RAPGEF4: variants seen among roughly 807,000 people sequenced by gnomAD.
The protein encoded by RAPGEF4 is RAP guanine-nucleotide-exchange factor (GEF) 4.
Under a neutral mutation model 147.9 loss-of-function variants are expected in RAPGEF4, and 66 were observed. The ratio of observed to expected loss-of-function variants is 0.45; its 90% CI spans 0.37 to 0.55. The LOEUF is 0.55. Ranked by LOEUF, RAPGEF4 falls within the 20% of genes least tolerant of loss-of-function variation. The pLI, the probability that RAPGEF4 is intolerant of heterozygous loss-of-function variation, is 0.00. For missense variants in RAPGEF4, 1,071 were observed against 1,257.3 expected, an observed-to-expected ratio of 0.85 and a Z score of 2.24; for synonymous variants, 419 against 442.7, an observed-to-expected ratio of 0.95 and a Z score of 0.67.
intron 4 of RAPGEF4, among the ~76,000 whole-genome samples, chr2:172,857,173 C>G (rs571236029): frequency 1.7e-5 from 2 of 117,376 alleles, no homozygotes; most frequent in Non-Finnish European, 4.1e-5. Flanking sequence ...CGTGTGCGCG[C>G]GCACACACAC....
chr2:172,955,973 C>T (rs1188343599), intron 6 of RAPGEF4, among the ~76,000 whole-genome samples: 1 of 152,214 alleles, frequency 6.6e-6, no homozygotes, highest in East Asian at 1.9e-4. Flanking sequence ...CTCACGGATA[C>T]TGCAGTGCTG....
rs180967526 is a variant in RAPGEF4 at position 172,787,746 on chromosome 2, A to G, written c.66-7279A>G. ...GCAATCCTCCTGTCTCAACCTCCTG[A>G]GTAGCTGAGAACACAGGCATGCACC... is the stretch of plus-strand genomic sequence containing the variant. On this transcript the variant is annotated intron_variant, in intron 1 of 30. Transcript: ENST00000397081. Among the ~76,000 whole-genome samples, 104 of 152,132 alleles carry G rather than the reference A, an allele frequency of 6.8e-4. 4 individuals carry two copies. In the East Asian group the frequency reaches 0.013, roughly 18 times the overall value.
Position 173,014,601 on chromosome 2 carries a change from T to C in RAPGEF4, c.1796T>C (p.Met599Thr), listed in dbSNP as rs1215998448. Residue 599 changes from methionine to threonine, a missense_variant, in exon 18 of 31, where the codon ATG (methionine) becomes ACG (threonine). Physicochemically the swap from Met to Thr is moderately conservative, Grantham distance 81. Coordinates refer to ENST00000397081, the MANE Select transcript of RAPGEF4 (RefSeq NM_007023.4). ...GDLLQEDDVS[M>T]AFLEEFYVSV... ...CTCCTGCAAGAGGATGACGTGTCTA[T>C]GGCCTTCCTGGAGGTAGGCAGGGGT... The C allele has an allele frequency of 6.2e-7, 1 of 1,613,308 alleles. No individual in the cohort carries two copies. Among genetic ancestry groups the C allele is most frequent in the Non-Finnish European group, 8.5e-7 (1 of 1,179,456 alleles).
chr2:173,009,531 A>C (rs986200551), intron 17 of RAPGEF4, among the ~76,000 whole-genome samples: 1 of 152,198 alleles, frequency 6.6e-6, no homozygotes, highest in Non-Finnish European at 1.5e-5. Flanking sequence ...AATGCTCCAA[A>C]ATTCGAAGTT....
rs115601876 is a variant in RAPGEF4 at position 173,006,971 on chromosome 2, G to A, written c.1658+5627G>A. On this transcript the variant is annotated intron_variant, in intron 17 of 30. Transcript: ENST00000397081. ...CATGAGGAAGACTTTGTTTGGTGAT[G>A]TTATGAACATGATATGCTTTTTGGG... Among the ~76,000 whole-genome samples the A allele has an allele frequency of 7.5e-3, 1,147 of 152,246 alleles. 8 individuals are homozygous for A. The highest frequency in any genetic ancestry group is 0.025 in the African/African-American group (1,030 of 41,528).
intron 4 of RAPGEF4, among the ~76,000 whole-genome samples, chr2:172,830,486 C>T (rs1690172628): frequency 6.6e-6 from 1 of 152,184 alleles, no homozygotes. Flanking sequence ...TTCCATATCT[C>T]CCCAAAACTG....
chr2:172,987,337 C>A (rs547865248), intron 12 of RAPGEF4, among the ~76,000 whole-genome samples: 2 of 152,218 alleles, frequency 1.3e-5, no homozygotes, highest in South Asian at 4.2e-4. Flanking sequence ...TATACAACTA[C>A]ACTTGAAGAC....
intron 17 of RAPGEF4, among the ~76,000 whole-genome samples, chr2:173,005,819 T>A (rs1694421781): frequency 6.6e-6 from 1 of 152,100 alleles, no homozygotes; most frequent in Admixed American, 6.6e-5. Context: ...CCATGCCTGG[T>A]ATTTATTTCA....
rs1692844263 is a variant in RAPGEF4, at chr2:172,991,586, A to G, written c.1490+661A>G. On this transcript the variant is annotated intron_variant, in intron 15 of 30. Coordinates refer to ENST00000397081, the MANE Select transcript of RAPGEF4 (RefSeq NM_007023.4). ...TGTACCAACATTTGAGTGGTAAGAC[A>G]GAATAGAAAATGTGGCTCTAAGAAA... Among the ~76,000 whole-genome samples the G allele has an allele frequency of 1.3e-5, 2 of 152,244 alleles. 1 individual carries two copies. The highest frequency in any genetic ancestry group is 4.1e-4 in the South Asian group (2 of 4,834).
chr2:172,933,998 G>A (rs1051173018), intron 6 of RAPGEF4, among the ~76,000 whole-genome samples: 7 of 151,936 alleles, frequency 4.6e-5, no homozygotes, highest in Non-Finnish European at 1.0e-4. Flanking sequence ...TCTTTTTACA[G>A]TTTCTTACAC....
chr2:172,934,743 T>TA (rs11361687), intron 6 of RAPGEF4, among the ~76,000 whole-genome samples: 94 of 146,018 alleles, frequency 6.4e-4, no homozygotes, highest in African/African-American at 2.2e-3. Context: ...ATGGTTGCAG[T>TA]AAAAAAAAAA....
At chr2:172,888,063 C>T (rs1195131308) in intron 4 of RAPGEF4, among the ~76,000 whole-genome samples, 4 of 152,030 alleles carry the variant, frequency 2.6e-5, no homozygotes, top group Non-Finnish European at 5.9e-5. Context: ...CTGCATCTTC[C>T]GTGCATCCGT....
rs1684918374 is a variant in RAPGEF4 at position 173,042,699 on chromosome 2, A to G, written c.2854-5901A>G. Among the ~76,000 whole-genome samples, 1 of 152,046 alleles carries G rather than the reference A, an allele frequency of 6.6e-6. No individual in the cohort carries two copies. Among genetic ancestry groups the G allele is most frequent in the Non-Finnish European group, 1.5e-5 (1 of 68,022 alleles). On this transcript the variant is annotated intron_variant, in intron 29 of 30. Transcript: ENST00000397081. The surrounding 1 kb of genome is among the most constrained non-coding windows in gnomAD (Gnocchi z 4.2). ...TTGCATAACTGAGACATTATAAAAG[A>G]TGACTTTCCCTTAGCCTCTGTTCCT...
At chr2:172,825,051 G>C (rs1689512956) in intron 4 of RAPGEF4, among the ~76,000 whole-genome samples, 2 of 152,098 alleles carry the variant, frequency 1.3e-5, no homozygotes, top group South Asian at 4.1e-4. Flanking sequence ...TTCTGGCCTT[G>C]GCCATCGTGA....
At chr2:172,980,214 A>G (rs1691531515) in intron 10 of RAPGEF4, among the ~76,000 whole-genome samples, 1 of 152,138 alleles carries the variant, frequency 6.6e-6, no homozygotes. Context: ...ATGAGTCTAG[A>G]GAAGGAAGTT....
At chr2:172,941,418 A>G (rs1162813392) in intron 6 of RAPGEF4, among the ~76,000 whole-genome samples, 1 of 152,114 alleles carries the variant, frequency 6.6e-6, no homozygotes, top group East Asian at 1.9e-4. Context: ...ATTGTTTCTA[A>G]TTTGACTATT....
intron 26 of RAPGEF4, among the ~76,000 whole-genome samples, chr2:173,031,773 C>T (rs1326525795): frequency 2.0e-5 from 3 of 152,144 alleles, no homozygotes; most frequent in Non-Finnish European, 2.9e-5. Flanking sequence ...GTTTTCAGCA[C>T]TGAATGTTGC....
In RAPGEF4 at chr2:172,980,942, C is replaced by T. The variant is rs1691615694; in HGVS notation, c.1005-2554C>T. Among the ~76,000 whole-genome samples, 3 of 152,044 alleles carry T rather than the reference C, an allele frequency of 2.0e-5. No homozygotes were observed. In the South Asian group the frequency reaches 6.2e-4, roughly 32 times the overall value. On this transcript the variant is annotated intron_variant, in intron 10 of 30. Coordinates refer to ENST00000397081, the MANE Select transcript of RAPGEF4 (RefSeq NM_007023.4). The stretch of plus-strand genomic sequence containing the variant: ...GGACTACAGGTGTGTTCCAGCACAC[C>T]CAGGCAGGATAGCATTTTTAAAAAA...
At chr2:172,739,171 A>G (rs1327275854) in intron 1 of RAPGEF4, among the ~76,000 whole-genome samples, 2 of 152,198 alleles carry the variant, frequency 1.3e-5, no homozygotes, top group African/African-American at 4.8e-5. Context: ...GGATGGATAA[A>G]CCAACATTGA....
Sources: allele counts gnomAD v4.1 joint callset (sites outside exome capture counted in the v4.1 genomes callset), GRCh38; gene constraint gnomAD v4.1.1; non-coding constraint Gnocchi (gnomAD v3.1); transcripts MANE v1.5; gene names NCBI Gene and HGNC (gene_info 2026-07-23, HGNC 2026-07-21).